EXOC6B: variants seen among roughly 807,000 people sequenced by gnomAD.
The protein encoded by EXOC6B is exocyst complex component 6B, also known as SEC15 homolog B.
A neutral mutation model predicts 113.5 loss-of-function variants in EXOC6B; 54 were observed. The observed-to-expected ratio is 0.48, with a 90% CI of 0.38 to 0.60. The LOEUF (loss-of-function observed/expected upper bound fraction) is 0.60, where lower values mean the gene tolerates loss of function less well. Among genes scored for constraint, EXOC6B ranks in the 20% least tolerant of loss-of-function variants. EXOC6B has a pLI of 0.00. For synonymous variants in EXOC6B, 357 were observed against 339.0 expected (o/e 1.05, Z -0.58); for missense variants, 797 against 977.5 (o/e 0.82, Z 2.46).
In EXOC6B at chr2:72,178,251, C is replaced by G. The variant is rs1677856562; in HGVS notation, c.*1084G>C. The G allele has an allele frequency of 6.6e-6, 1 of 152,248 alleles. No homozygotes were observed. The highest frequency in any genetic ancestry group is 2.1e-4 in the South Asian group (1 of 4,830). 9.4% of individuals were successfully genotyped at this position (152,248 alleles called of 1,614,324 possible). A position where few individuals can be genotyped will look rare whatever the true frequency, so the allele number is the denominator to read the frequency against. On this transcript the variant is annotated 3_prime_UTR_variant, in exon 22 of 22. Transcript: ENST00000272427. ...CAATGTCTCCATCCCTAGAGGCATC[C>G]AGTCCAGGCATGGCTGCCCCCACAG...
chr2:72,224,994 G>GTATATATATATA (rs1553468230), intron 20 of EXOC6B, among the ~76,000 whole-genome samples: 14 of 137,316 alleles, frequency 1.0e-4, no homozygotes, highest in African/African-American at 3.7e-4. Context: ...GTGTGTGTGT[G>GTATATATATATA]TATATATATA....
intron 1 of EXOC6B, among the ~76,000 whole-genome samples, chr2:72,785,209 G>A (rs1047208583): frequency 6.6e-6 from 1 of 152,210 alleles, no homozygotes; most frequent in Non-Finnish European, 1.5e-5. Flanking sequence ...GCTTTGCAGG[G>A]TACAGCCTCC....
intron 1 of EXOC6B, among the ~76,000 whole-genome samples, chr2:72,807,462 C>A (rs1481165008): frequency 6.6e-6 from 1 of 152,092 alleles, no homozygotes; most frequent in African/African-American, 2.4e-5. Flanking sequence ...TGTGATGCCT[C>A]CAGCTTTGTT....
chr2:72,211,557 T>C (rs1192929314), intron 20 of EXOC6B, among the ~76,000 whole-genome samples: 1 of 152,168 alleles, frequency 6.6e-6, no homozygotes, highest in Admixed American at 6.5e-5. Flanking sequence ...TTGTCCTTGC[T>C]TAAGATGGAA....
At chr2:72,601,110 ATATGTGTGTGTG>A (rs1272172254) in intron 6 of EXOC6B, among the ~76,000 whole-genome samples, 128 of 145,858 alleles carry the variant, frequency 8.8e-4, no homozygotes, top group Admixed American at 5.8e-3. Context: ...ACATATATAT[ATATGTGTGTGTG>A]TATGTGTGTG....
rs924532389 is a variant in EXOC6B at position 72,179,363 on chromosome 2, C to T, written c.2408G>A (p.Arg803Gln). Residue 803 changes from arginine to glutamine, a missense_variant, in exon 22 of 22, where the codon CGA (arginine) becomes CAA (glutamine). By Grantham distance (43) the Arg-to-Gln change is conservative (BLOSUM62 1). Coordinates refer to ENST00000272427, the MANE Select transcript of EXOC6B (RefSeq NM_015189.3). ...TGAGTGGTGGCTGCTGATGAGTCCT[C>T]GGAGCTGCTTGGCCACGGTGTCAAT... ...KLIDTVAKQLRGLISSHHS is the reference protein window; with the variant it reads ...KLIDTVAKQLQGLISSHHS 11 of 1,612,194 alleles carry T rather than the reference C, an allele frequency of 6.8e-6. No individual in the cohort carries two copies. Among genetic ancestry groups the T allele is most frequent in the Admixed American group, 1.7e-5 (1 of 59,870 alleles).
At chr2:72,369,763 A>G (rs1690885058) in intron 19 of EXOC6B, among the ~76,000 whole-genome samples, 1 of 152,246 alleles carries the variant, frequency 6.6e-6, no homozygotes, top group East Asian at 1.9e-4. Context: ...AAATGGGGAA[A>G]GGATTCCCTA....
Position 72,538,643 on chromosome 2 carries a change from G to C in EXOC6B, c.915+20810C>G, listed in dbSNP as rs187794857. Among the ~76,000 whole-genome samples the C allele has an allele frequency of 1.0e-3, 156 of 152,214 alleles. 1 individual carries two copies. The highest frequency in any genetic ancestry group is 2.0e-3 in the Non-Finnish European group (134 of 68,036). On this transcript the variant is annotated intron_variant, in intron 8 of 21. Transcript: ENST00000272427. ...TACCACATTAGATAGCACAGCACCA[G>C]TCTAAACCACACAGAAGAGAAACTC... is the stretch of plus-strand genomic sequence containing the variant.
intron 3 of EXOC6B, among the ~76,000 whole-genome samples, 178 bp from the exon 4 acceptor site, chr2:72,731,423 C>T (rs963502742): frequency 6.6e-6 from 1 of 152,140 alleles, no homozygotes; most frequent in African/African-American, 2.4e-5. Flanking sequence ...TGCACAGTTT[C>T]CCGCTTTCTC....
intron 20 of EXOC6B, among the ~76,000 whole-genome samples, chr2:72,229,713 A>G (rs1174060548): frequency 6.6e-6 from 1 of 152,232 alleles, no homozygotes; most frequent in East Asian, 1.9e-4. Flanking sequence ...GAGCAAAAAT[A>G]AGAAATAACC....
chr2:72,405,960 C>T (rs1449747683), intron 18 of EXOC6B, among the ~76,000 whole-genome samples: 1 of 152,128 alleles, frequency 6.6e-6, no homozygotes, highest in East Asian at 1.9e-4. Flanking sequence ...GGAAACCCAT[C>T]TCACAGGCAG....
At chr2:72,405,725 C>T (rs948671642) in intron 18 of EXOC6B, among the ~76,000 whole-genome samples, 8 of 152,168 alleles carry the variant, frequency 5.3e-5, no homozygotes, top group African/African-American at 1.2e-4. Context: ...AAAGGAACAA[C>T]CAGTACCAGC....
intron 7 of EXOC6B, among the ~76,000 whole-genome samples, chr2:72,570,019 C>T (rs968128219): frequency 3.9e-5 from 6 of 152,070 alleles, no homozygotes; most frequent in South Asian, 2.1e-4. Context: ...TGTGCTCCCC[C>T]GCAAATTCCT....
intron 6 of EXOC6B, among the ~76,000 whole-genome samples, chr2:72,705,931 A>G (rs1164241081): frequency 6.6e-6 from 1 of 152,214 alleles, no homozygotes; most frequent in African/African-American, 2.4e-5. Flanking sequence ...GGCAGTCCTC[A>G]TTACCTGTTG....
intron 18 of EXOC6B, among the ~76,000 whole-genome samples, chr2:72,414,170 T>C (rs940501915): frequency 6.6e-6 from 1 of 152,240 alleles, no homozygotes; most frequent in African/African-American, 2.4e-5. Context: ...AAGACCTCTG[T>C]TGTCTCCAAT....
At chr2:72,697,183 G>A (rs1573640266) in intron 6 of EXOC6B, among the ~76,000 whole-genome samples, 1 of 150,652 alleles carries the variant, frequency 6.6e-6, no homozygotes, top group East Asian at 1.9e-4. Context: ...ATATTTTATT[G>A]ATGGCAGCCC....
At chr2:72,189,423 C>A (rs756519838) in intron 20 of EXOC6B, among the ~76,000 whole-genome samples, 2 of 152,164 alleles carry the variant, frequency 1.3e-5, no homozygotes, top group Non-Finnish European at 2.9e-5. Flanking sequence ...TCATTTTTCC[C>A]TCATTGGTGA....
intron 18 of EXOC6B, among the ~76,000 whole-genome samples, chr2:72,452,387 A>G (rs916697106): frequency 3.3e-5 from 5 of 152,196 alleles, no homozygotes; most frequent in Non-Finnish European, 7.3e-5. Flanking sequence ...ACATTAGTTC[A>G]TAATAGGGGA....
At chr2:72,534,636 T>C (rs931814585) in intron 8 of EXOC6B, among the ~76,000 whole-genome samples, 1 of 152,168 alleles carries the variant, frequency 6.6e-6, no homozygotes, top group Non-Finnish European at 1.5e-5. Context: ...TCGTCATACC[T>C]AGTATGTACT....
Sources: allele counts gnomAD v4.1 joint callset (sites outside exome capture counted in the v4.1 genomes callset), GRCh38; gene constraint gnomAD v4.1.1; transcripts MANE v1.5; gene names NCBI Gene and HGNC (gene_info 2026-07-23, HGNC 2026-07-21).